EYS: variants seen among roughly 807,000 people sequenced by gnomAD.
The protein encoded by EYS is EGF-like photoreceptor maintenance factor, also known as protein eyes shut homolog.
EYS carries 250 observed loss-of-function variants against 282.1 expected under a neutral mutation model. The observed-to-expected ratio is 0.89, with a 90% CI of 0.80 to 0.98. EYS has a LOEUF of 0.98. Ranked by LOEUF, EYS falls within the 50% of genes least tolerant of loss-of-function variation. EYS has a pLI of 0.00. For missense variants in EYS, 4,016 were observed against 3,709.0 expected (o/e 1.08, Z -2.15); for synonymous variants, 1,355 against 1,282.9 (o/e 1.06, Z -1.20).
At chr6:65,034,430 C>T (rs927348565) in intron 13 of EYS, among the ~76,000 whole-genome samples, 11 of 152,088 alleles carry the variant, frequency 7.2e-5, no homozygotes, top group Non-Finnish European at 1.0e-4. Context: ...ATGGCAATCC[C>T]TATTGCTGGA....
chr6:65,416,989 C>A (rs1767265941), intron 5 of EYS, among the ~76,000 whole-genome samples: 1 of 151,916 alleles, frequency 6.6e-6, no homozygotes, highest in Non-Finnish European at 1.5e-5. Context: ...TTTGCCAAGA[C>A]AAAGAATTGC....
intron 22 of EYS, among the ~76,000 whole-genome samples, chr6:64,658,270 G>A (rs1017728049): frequency 9.2e-5 from 14 of 151,640 alleles, no homozygotes; most frequent in African/African-American, 3.4e-4. Context: ...TTTTTTTCAA[G>A]GTTTTTAACT....
chr6:64,453,248 A>C (rs181200931), intron 26 of EYS, among the ~76,000 whole-genome samples: 1 of 152,326 alleles, frequency 6.6e-6, no homozygotes, highest in East Asian at 1.9e-4. Context: ...CAAAATACAC[A>C]TGAAAAAATG....
chr6:64,306,764 C>T (rs1009052763), intron 30 of EYS, among the ~76,000 whole-genome samples: 7 of 152,046 alleles, frequency 4.6e-5, no homozygotes, highest in African/African-American at 1.4e-4. Context: ...AAAAGATACC[C>T]TTTATAAGTA....
chr6:64,357,608 C>T (rs1212156337), intron 29 of EYS, among the ~76,000 whole-genome samples: 1 of 151,516 alleles, frequency 6.6e-6, no homozygotes, highest in African/African-American at 2.4e-5. Flanking sequence ...GGAAAGGAAG[C>T]AAAGTGGTTC....
At position 65,326,962 on chromosome 6, in the gene EYS, A is replaced by C. The variant is rs192528045; in HGVS notation, c.1766+8018T>G. Among the ~76,000 whole-genome samples, 223 of 151,790 alleles carry C rather than the reference A, an allele frequency of 1.5e-3. 2 individuals carry two copies. Among genetic ancestry groups the C allele is most frequent in the South Asian group, 6.0e-3 (29 of 4,826 alleles). On this transcript the variant is annotated intron_variant, in intron 11 of 42. Transcript: ENST00000503581. ...TTTAAATCAATTCTTTTATTTTACT[A>C]TATTCATAATCATATCTATAAACCA... is the stretch of plus-strand genomic sequence containing the variant.
chr6:65,001,489 T>G (rs1160412316), intron 13 of EYS, among the ~76,000 whole-genome samples: 3 of 147,640 alleles, frequency 2.0e-5, no homozygotes, highest in Admixed American at 2.0e-4. Flanking sequence ...CTCTTCAACT[T>G]CCGGTTCACT....
intron 15 of EYS, among the ~76,000 whole-genome samples, chr6:64,930,817 C>T (rs1391784139): frequency 6.6e-6 from 1 of 152,138 alleles, no homozygotes; most frequent in Non-Finnish European, 1.5e-5. Context: ...ATGCCAACTG[C>T]ACAGGCAGCA....
intron 12 of EYS, among the ~76,000 whole-genome samples, chr6:65,170,757 A>C (rs1765086547): frequency 6.6e-6 from 1 of 151,548 alleles, no homozygotes; most frequent in African/African-American, 2.4e-5. Context: ...ATTACTACTA[A>C]GGATCAAGGA....
Position 65,292,203 on chromosome 6 carries a change from T to G in EYS, c.2023+3660A>C, listed in dbSNP as rs533892235. On this transcript the variant is annotated intron_variant, in intron 12 of 42. Transcript: ENST00000503581. ...CTTAGGCATAAATTACAAAAGAAAA[T>G]ATATACAAAATAAAAGCAATTACAT... Among the ~76,000 whole-genome samples the G allele has an allele frequency of 2.3e-4, 35 of 151,744 alleles. 2 individuals carry two copies. Among genetic ancestry groups the G allele is most frequent in the African/African-American group, 5.3e-4 (22 of 41,464 alleles).
intron 36 of EYS, among the ~76,000 whole-genome samples, chr6:63,861,262 CT>C (rs1581905339): frequency 1.3e-5 from 2 of 152,286 alleles, no homozygotes; most frequent in East Asian, 3.9e-4. Context: ...TGATGTTGTT[CT>C]TGGTTCTAAC....
At chr6:63,934,290 C>T (rs916811768) in intron 35 of EYS, among the ~76,000 whole-genome samples, 1 of 152,138 alleles carries the variant, frequency 6.6e-6, no homozygotes, top group African/African-American at 2.4e-5. Flanking sequence ...GAACACTTTA[C>T]ACTGTTGGTG....
At chr6:65,364,414 T>C (rs931802046) in intron 8 of EYS, among the ~76,000 whole-genome samples, 1 of 151,420 alleles carries the variant, frequency 6.6e-6, no homozygotes, top group African/African-American at 2.4e-5. Context: ...AATAAAACTT[T>C]AAAATATGAT....
chr6:64,323,435 G>A (rs570038895), intron 29 of EYS, among the ~76,000 whole-genome samples: 1 of 152,014 alleles, frequency 6.6e-6, no homozygotes, highest in Non-Finnish European at 1.5e-5. Context: ...TTCGCCTTTG[G>A]GTTGTTTCCA....
chr6:63,777,875 G>A, intron 40 of EYS, 131 bp downstream of exon 40: 2 of 870,488 alleles, frequency 2.3e-6, no homozygotes, highest in Non-Finnish European at 3.6e-6. Context: ...CATGTAACAA[G>A]TCTACATAAG....
intron 12 of EYS, among the ~76,000 whole-genome samples, chr6:65,236,377 C>T (rs1028445666): frequency 1.3e-5 from 2 of 152,060 alleles, no homozygotes. Flanking sequence ...TTCTGGAGGC[C>T]AAGGCAGGTG....
intron 2 of EYS, among the ~76,000 whole-genome samples, chr6:65,630,154 T>C (rs1582542255): frequency 6.6e-6 from 1 of 152,246 alleles, no homozygotes; most frequent in South Asian, 2.1e-4. Context: ...ATGACCATTA[T>C]ATCTCCTGTT....
intron 36 of EYS, among the ~76,000 whole-genome samples, chr6:63,838,473 G>T (rs984338207): frequency 1.3e-5 from 2 of 152,056 alleles, no homozygotes; most frequent in Non-Finnish European, 2.9e-5. Context: ...GAGACAGTCG[G>T]CATCTTGAAG....
At chr6:64,405,817 A>G (rs1285833060) in intron 28 of EYS, among the ~76,000 whole-genome samples, 1 of 152,188 alleles carries the variant, frequency 6.6e-6, no homozygotes, top group East Asian at 1.9e-4. Flanking sequence ...GCTGAAGGAA[A>G]CAAGAGAGGA....
Sources: allele counts gnomAD v4.1 joint callset (sites outside exome capture counted in the v4.1 genomes callset), GRCh38; gene constraint gnomAD v4.1.1; transcripts MANE v1.5; gene names NCBI Gene and HGNC (gene_info 2026-07-23, HGNC 2026-07-21).